The following KCNIP4 variants were observed in gnomAD, a reference collection of about 807,000 sequenced individuals.
KCNIP4 encodes potassium voltage-gated channel interacting protein 4, also known as Kv channel-interacting protein 4.
Under a neutral mutation model 34.0 loss-of-function variants are expected in KCNIP4, and 12 were observed. The ratio of observed to expected loss-of-function variants is 0.35; its 90% CI spans 0.23 to 0.57. The LOEUF is 0.57. Among genes scored for constraint, KCNIP4 ranks in the 20% least tolerant of loss-of-function variants. The probability of loss-of-function intolerance (pLI) is 0.83; values close to 1 mark genes in which losing one functional copy is unlikely to be tolerated. For synonymous variants in KCNIP4, 124 were observed against 102.2 expected (o/e 1.21, Z -1.29); for missense variants, 238 against 311.7 (o/e 0.76, Z 1.78).
intron 1 of KCNIP4, among the ~76,000 whole-genome samples, chr4:21,239,752 A>T (rs1759658289): frequency 6.6e-6 from 1 of 152,158 alleles, no homozygotes; most frequent in Non-Finnish European, 1.5e-5. Flanking sequence ...GTGGAGAAAT[A>T]GGAACACTTT....
intron 1 of KCNIP4, among the ~76,000 whole-genome samples, chr4:21,382,995 G>A (rs577056665): frequency 2.6e-5 from 4 of 152,172 alleles, no homozygotes; most frequent in Non-Finnish European, 5.9e-5. Flanking sequence ...TAAAGAGGTA[G>A]TTAAGTTAAA....
chr4:21,557,979 A>G (rs1214515437), intron 1 of KCNIP4, among the ~76,000 whole-genome samples: 1 of 152,158 alleles, frequency 6.6e-6, no homozygotes, highest in East Asian at 1.9e-4. Context: ...GTTAATGCTG[A>G]GGTTTCTGGC....
chr4:21,934,510 C>T lies in KCNIP4; in HGVS notation c.61+14061G>A, dbSNP rs575576536. ...TAAGATTTGAAGGGGAGAAAATATC[C>T]AGACTATATAAGATCTCTATACTGT... On this transcript the variant is annotated intron_variant, in intron 1 of 8. Transcript: ENST00000382152. Among the ~76,000 whole-genome samples, 3 of 152,146 alleles carry T rather than the reference C, an allele frequency of 2.0e-5. No individual in the cohort carries two copies. The South Asian group carries it at 6.2e-4, about 32-fold the overall frequency.
intron 1 of KCNIP4, among the ~76,000 whole-genome samples, chr4:21,222,171 T>A (rs1758026216): frequency 6.6e-6 from 1 of 152,190 alleles, no homozygotes; most frequent in African/African-American, 2.4e-5. Context: ...AAAAATAGGA[T>A]AACCCCAAAG....
At chr4:21,274,459 G>C (rs1762324166) in intron 1 of KCNIP4, among the ~76,000 whole-genome samples, 1 of 152,072 alleles carries the variant, frequency 6.6e-6, no homozygotes, top group Non-Finnish European at 1.5e-5. Flanking sequence ...AAAACCAACG[G>C]AGCTAAGAGG....
At chr4:21,371,352 T>A (rs1440199185) in intron 1 of KCNIP4, among the ~76,000 whole-genome samples, 1 of 146,354 alleles carries the variant, frequency 6.8e-6, no homozygotes, top group Non-Finnish European at 1.5e-5. Flanking sequence ...AGAATTGGAA[T>A]AGTTTTGGCA....
At chr4:21,653,337 G>A (rs1747664906) in intron 1 of KCNIP4, among the ~76,000 whole-genome samples, 1 of 152,060 alleles carries the variant, frequency 6.6e-6, no homozygotes, top group Non-Finnish European at 1.5e-5. Flanking sequence ...CTGCAAAATT[G>A]GTGCAACAGA....
intron 1 of KCNIP4, among the ~76,000 whole-genome samples, chr4:21,174,043 C>T (rs1754213059): frequency 1.3e-5 from 2 of 152,124 alleles, no homozygotes; most frequent in African/African-American, 2.4e-5. Context: ...TTTAAGTGCT[C>T]ACGTGATCTG....
intron 1 of KCNIP4, chr4:21,729,792 CA>C (rs1223064912): frequency 2.0e-5 from 3 of 152,228 alleles, no homozygotes; most frequent in Admixed American, 1.3e-4. Context: ...TTTCTAATTT[CA>C]TTTGAATCTT....
chr4:21,467,934 C>A (rs1280904033), intron 1 of KCNIP4, among the ~76,000 whole-genome samples: 1 of 152,162 alleles, frequency 6.6e-6, no homozygotes, highest in Non-Finnish European at 1.5e-5. Context: ...TCAGTGTGGG[C>A]AGCAAGCCTT....
intron 1 of KCNIP4, among the ~76,000 whole-genome samples, chr4:21,046,810 C>T (rs1742466431): frequency 6.6e-6 from 1 of 152,116 alleles, no homozygotes; most frequent in Admixed American, 6.5e-5. Context: ...GGGCTGGTCT[C>T]GAACTTCCGA....
At chr4:21,053,964 C>T (rs1166708096) in intron 1 of KCNIP4, among the ~76,000 whole-genome samples, 1 of 149,948 alleles carries the variant, frequency 6.7e-6, no homozygotes, top group Admixed American at 6.6e-5. Context: ...TAATACAATC[C>T]TAATCATAAT....
At chr4:20,881,041 A>G (rs1410405096) in intron 2 of KCNIP4, among the ~76,000 whole-genome samples, 2 of 152,078 alleles carry the variant, frequency 1.3e-5, no homozygotes, top group Non-Finnish European at 2.9e-5. Context: ...CTAATAGAAG[A>G]GCTTTCTTTG....
At chr4:20,938,795 A>C (rs567024869) in intron 1 of KCNIP4, among the ~76,000 whole-genome samples, 1 of 152,232 alleles carries the variant, frequency 6.6e-6, no homozygotes, top group Non-Finnish European at 1.5e-5. Context: ...TTTTACTGAC[A>C]CATGGCTTAG....
At chr4:20,848,694 T>C (rs28432921) in intron 3 of KCNIP4, among the ~76,000 whole-genome samples, 1,762 of 152,204 alleles carry the variant, frequency 0.012, 43 homozygotes, top group African/African-American at 0.04. Context: ...GGGGATGGCA[T>C]TGGAATAATA....
chr4:21,076,463 GC>G (rs1682144110), intron 1 of KCNIP4, among the ~76,000 whole-genome samples: 1 of 151,840 alleles, frequency 6.6e-6, no homozygotes, highest in Non-Finnish European at 1.5e-5. Flanking sequence ...TCTTTTCCAT[GC>G]TAGATTGTGA....
chr4:21,109,730 A>T (rs1321263715), intron 1 of KCNIP4, among the ~76,000 whole-genome samples: 2 of 152,228 alleles, frequency 1.3e-5, no homozygotes, highest in Admixed American at 1.3e-4. Flanking sequence ...AGCTGTTCCT[A>T]TTTGGCCATC....
intron 1 of KCNIP4, among the ~76,000 whole-genome samples, chr4:21,669,409 T>A (rs1749289698): frequency 6.6e-6 from 1 of 152,244 alleles, no homozygotes; most frequent in Admixed American, 6.5e-5. Context: ...ATAATTTTCT[T>A]AATAACATTT....
rs367592419 is a variant in KCNIP4, at chr4:21,430,416, G to T, written c.61+518155C>A. On this transcript the variant is annotated intron_variant, in intron 1 of 8. Coordinates refer to ENST00000382152, the MANE Select transcript of KCNIP4 (RefSeq NM_025221.6). ...AAAGTAGAAGAGATCAGAACAGTAT[G>T]GGGGGGTGGGGTCATGCAATTACCT... 2.0e-5 allele frequency among the ~76,000 whole-genome samples: 3 copies of T among 151,488 alleles called. No individual in the cohort carries two copies. The South Asian group carries it at 6.2e-4, about 31-fold the overall frequency.
Sources: allele counts gnomAD v4.1 joint callset (sites outside exome capture counted in the v4.1 genomes callset), GRCh38; gene constraint gnomAD v4.1.1; transcripts MANE v1.5; gene names NCBI Gene and HGNC (gene_info 2026-07-23, HGNC 2026-07-21).